The following TFCP2L1 variants were observed in gnomAD, a reference collection of about 807,000 sequenced individuals.
TFCP2L1 encodes transcription factor CP2-like protein 1.
In TFCP2L1, 12 loss-of-function variants were observed where a neutral mutation model predicts 72.2. That is an observed-to-expected ratio of 0.17 (90% confidence interval 0.11 to 0.27). The LOEUF (loss-of-function observed/expected upper bound fraction) is 0.27. TFCP2L1 is among the 10% of genes least tolerant of loss of function. TFCP2L1 has a pLI of 1.00. For synonymous variants in TFCP2L1, 260 were observed against 251.0 expected (o/e 1.04, Z -0.34); for missense variants, 488 against 624.6 (o/e 0.78, Z 2.33).
chr2:121,241,822 G>C (rs1309085197), intron 7 of TFCP2L1, among the ~76,000 whole-genome samples: 1 of 151,316 alleles, frequency 6.6e-6, no homozygotes, highest in Non-Finnish European at 1.5e-5. Context: ...GAACTAGAAA[G>C]CTGTAGGCAT....
chr2:121,266,822 G>C (rs1235089031), intron 2 of TFCP2L1, among the ~76,000 whole-genome samples: 1 of 151,920 alleles, frequency 6.6e-6, no homozygotes, highest in Non-Finnish European at 1.5e-5. Flanking sequence ...CTTTTGGCTG[G>C]CTCTTTTTCC....
chr2:121,270,899 C>T (rs1283722301), intron 2 of TFCP2L1, among the ~76,000 whole-genome samples: 4 of 130,702 alleles, frequency 3.1e-5, no homozygotes, highest in Non-Finnish European at 4.8e-5. Context: ...TTTTTTAAAG[C>T]AAGTTGTTGG....
At chr2:121,276,886 T>G (rs1687158351) in intron 2 of TFCP2L1, among the ~76,000 whole-genome samples, 1 of 151,932 alleles carries the variant, frequency 6.6e-6, no homozygotes, top group Non-Finnish European at 1.5e-5. Flanking sequence ...AAGAAAAGTT[T>G]ATTTCAAAGA....
At position 121,224,362 on chromosome 2, in the gene TFCP2L1, G is replaced by C; in HGVS notation, c.1419C>G (p.Ile473Met). ...CTGCTCAGAGTCCACATTTCAGGATGATGTGGTAGCCATCATTGCTCTCAG... is the reference window on the plus strand; with the variant it reads ...CTGCTCAGAGTCCACATTTCAGGATCATGTGGTAGCCATCATTGCTCTCAG... ...IKAESNDGYH[I>M]ILKCGL Residue 473 changes from isoleucine to methionine, a missense_variant, in exon 15 of 15, where the codon ATC (isoleucine) becomes ATG (methionine). Ile to Met is a conservative substitution (Grantham distance 10, BLOSUM62 1). Transcript: ENST00000263707. 4 of 1,614,040 alleles carry C rather than the reference G, an allele frequency of 2.5e-6. No individual in the cohort carries two copies. Among genetic ancestry groups the C allele is most frequent in the Non-Finnish European group, 3.4e-6 (4 of 1,180,014 alleles).
rs1296088903 is a variant in TFCP2L1 at position 121,222,956 on chromosome 2, A to T, written c.*1385T>A. ...CCGAGATGTCCTGGTTTATATGATA[A>T]ATTTATATCGCTACCCTATCACTAT... On this transcript the variant is annotated 3_prime_UTR_variant, in exon 15 of 15. Coordinates refer to ENST00000263707, the MANE Select transcript of TFCP2L1 (RefSeq NM_014553.3). 1 of 152,118 alleles carries T rather than the reference A, an allele frequency of 6.6e-6. No homozygotes were observed. The highest frequency in any genetic ancestry group is 1.5e-5 in the Non-Finnish European group (1 of 68,010). 9.4% of individuals were successfully genotyped at this position (152,118 alleles called of 1,614,324 possible).
At chr2:121,269,891 A>G (rs892007874) in intron 2 of TFCP2L1, among the ~76,000 whole-genome samples, 27 of 132,166 alleles carry the variant, frequency 2.0e-4, no homozygotes, top group Admixed American at 1.7e-3. Context: ...CCTGGGTGAC[A>G]GAGCAAGACT....
rs758603684 is a variant in TFCP2L1, at chr2:121,237,838, C to G, written c.873G>C (p.Pro291=). ...SFGLGEGNAS[P]THPVEALPVG... ...CGGGCAGGGCCTCCACCGGGTGGGTCGGAGAGGCGTTGCTGCAAGGAAAAG... is the reference window on the plus strand; with the variant it reads ...CGGGCAGGGCCTCCACCGGGTGGGTGGGAGAGGCGTTGCTGCAAGGAAAAG... The change falls in exon 9 of 15, where the codon CCG becomes CCC. Residue 291 remains proline (P), a synonymous_variant. Transcript: ENST00000263707. 1 of 1,614,004 alleles carries G rather than the reference C, an allele frequency of 6.2e-7. No individual in the cohort carries two copies. The highest frequency in any genetic ancestry group is 8.5e-7 in the Non-Finnish European group (1 of 1,179,998).
rs3768908 is a variant in TFCP2L1, at chr2:121,240,340, T to C, written c.769-691A>G. The C allele has an allele frequency of 0.013, 12,997 of 985,328 alleles. 434 individuals are homozygous for C. The East Asian group carries it at 0.15, about 12-fold the overall frequency. The allele number at this position is 985,328 out of a possible 1,614,324, so 61.0% of individuals were successfully genotyped here. On this transcript the variant is annotated intron_variant, in intron 7 of 14. Transcript: ENST00000263707. ...AGGAAGCAAGGGTTTACAGGTTTTG[T>C]CTGCTGGAGAAAGTCTATCCAGCTG...
At chr2:121,265,536 T>A (rs1032988324) in intron 2 of TFCP2L1, among the ~76,000 whole-genome samples, 6 of 151,700 alleles carry the variant, frequency 4.0e-5, no homozygotes, top group Non-Finnish European at 8.8e-5. Flanking sequence ...CAGGCTGGAG[T>A]GCAGCGGTGC....
intron 2 of TFCP2L1, among the ~76,000 whole-genome samples, chr2:121,269,501 G>A (rs575762757): frequency 7.9e-5 from 12 of 151,952 alleles, no homozygotes; most frequent in East Asian, 3.9e-4. Context: ...TGGCTCATGC[G>A]TATAATCCCA....
chr2:121,242,225 G>A, intron 7 of TFCP2L1, 134 bp downstream of exon 7: 1 of 731,720 alleles, frequency 1.4e-6, no homozygotes. Context: ...CCAGACACTG[G>A]AACCCACCAC....
Position 121,218,155 on chromosome 2 carries a change from T to G in TFCP2L1, c.*6186A>C, listed in dbSNP as rs1685866932. The G allele has an allele frequency of 6.6e-6, 1 of 152,248 alleles. No homozygotes were observed. Among genetic ancestry groups the G allele is most frequent in the African/African-American group, 2.4e-5 (1 of 41,456 alleles). 9.4% of individuals were successfully genotyped at this position (152,248 alleles called of 1,614,324 possible). On this transcript the variant is annotated 3_prime_UTR_variant, in exon 15 of 15. Coordinates refer to ENST00000263707, the MANE Select transcript of TFCP2L1 (RefSeq NM_014553.3). ...GGGCTAGACGGTAAATATTTTGGGCTTTCAGAGCCAAGAGGCAAAATCAAT... is the reference window on the plus strand; with the variant it reads ...GGGCTAGACGGTAAATATTTTGGGCGTTCAGAGCCAAGAGGCAAAATCAAT...
intron 7 of TFCP2L1, 103 bp from the exon 8 acceptor site, chr2:121,239,752 C>T: frequency 8.6e-7 from 1 of 1,158,500 alleles, no homozygotes; most frequent in East Asian, 2.5e-5. Context: ...GCATGAGACC[C>T]CCACCTGTGA....
At chr2:121,276,338 AG>A (rs1687146766) in intron 2 of TFCP2L1, among the ~76,000 whole-genome samples, 1 of 39,568 alleles carries the variant, frequency 2.5e-5, no homozygotes, top group Non-Finnish European at 7.0e-5. Flanking sequence ...TTCCTGTGTT[AG>A]TTTGCTGAGA....
At chr2:121,285,001 C>T (rs1168536530) in intron 1 of TFCP2L1, 47 bp downstream of exon 1, 2 of 1,431,238 alleles carry the variant, frequency 1.4e-6, no homozygotes, top group Non-Finnish European at 1.8e-6. Context: ...CGGCGCCCGG[C>T]CCGCCGGCCC....
intron 12 of TFCP2L1, among the ~76,000 whole-genome samples, chr2:121,232,670 A>T (rs780597626): frequency 6.6e-6 from 1 of 152,184 alleles, no homozygotes; most frequent in Non-Finnish European, 1.5e-5. Flanking sequence ...GCAATGAGTG[A>T]AAGTTAAAAG....
At chr2:121,243,268 G>C (rs1686415108) in intron 6 of TFCP2L1, among the ~76,000 whole-genome samples, 1 of 152,250 alleles carries the variant, frequency 6.6e-6, no homozygotes, top group African/African-American at 2.4e-5. Context: ...CCACACAGCA[G>C]GCTACATGTG....
At chr2:121,277,806 AAG>A (rs1188255861) in intron 2 of TFCP2L1, among the ~76,000 whole-genome samples, 1 of 152,230 alleles carries the variant, frequency 6.6e-6, no homozygotes, top group Non-Finnish European at 1.5e-5. Flanking sequence ...TAATCACAGA[AAG>A]ATATATATAC....
At chr2:121,226,026 T>C (rs4461263) in intron 13 of TFCP2L1, among the ~76,000 whole-genome samples, 40,392 of 46,982 alleles carry the variant, frequency 0.86, 17,526 homozygotes, top group Non-Finnish European at 0.94. Context: ...ACGGTGTCCA[T>C]ACACACGGGA....
Sources: allele counts gnomAD v4.1 joint callset (sites outside exome capture counted in the v4.1 genomes callset), GRCh38; gene constraint gnomAD v4.1.1; transcripts MANE v1.5; gene names NCBI Gene and HGNC (gene_info 2026-07-23, HGNC 2026-07-21).